Variants in PATJ observed in about 807,000 individuals in gnomAD.
The protein encoded by PATJ is PATJ crumbs cell polarity complex component, also known as inaD-like protein.
In PATJ, 190 loss-of-function variants were observed where a neutral mutation model predicts 224.9. The observed-to-expected ratio is 0.84, with a 90% confidence interval of 0.75 to 0.95. PATJ has a LOEUF of 0.95. Among genes scored for constraint, PATJ ranks in the 40% least tolerant of loss-of-function variants. The pLI, the probability that PATJ is intolerant of heterozygous loss-of-function variation, is 0.00. For missense variants in PATJ, 2,121 were observed against 2,270.3 expected (o/e 0.93, Z 1.34); for synonymous variants, 769 against 820.3 (o/e 0.94, Z 1.07).
intron 18 of PATJ, among the ~76,000 whole-genome samples, chr1:61,858,012 T>C (rs1029981088): frequency 6.6e-6 from 1 of 152,202 alleles, no homozygotes; most frequent in African/African-American, 2.4e-5. Flanking sequence ...TAAATATAGA[T>C]AGATGTGTTC....
chr1:62,025,476 G>T (rs995052814), intron 29 of PATJ, among the ~76,000 whole-genome samples: 1 of 152,190 alleles, frequency 6.6e-6, no homozygotes, highest in African/African-American at 2.4e-5. Context: ...TTGCCAGCCA[G>T]GAATAAGAGG....
rs911112847 is a variant in PATJ, at chr1:62,097,319, A to G, written c.4378-11118A>G. Among the ~76,000 whole-genome samples, 4 of 152,208 alleles carry G rather than the reference A, an allele frequency of 2.6e-5. 1 individual carries two copies. Among genetic ancestry groups the G allele is most frequent in the African/African-American group, 9.6e-5 (4 of 41,452 alleles). ...TATGTGCTGTCTCAAATTTTAAAAA[A>G]AGGAAAAAAAAAAGACTATAAATTT... is the stretch of plus-strand genomic sequence containing the variant. On this transcript the variant is annotated intron_variant, in intron 33 of 43. Transcript: ENST00000642238.
Position 61,765,911 on chromosome 1 carries a change from T to G in PATJ, c.190-368T>G, listed in dbSNP as rs180971112. Among the ~76,000 whole-genome samples the G allele has an allele frequency of 8.4e-4, 128 of 152,288 alleles. 1 individual carries two copies. The highest frequency in any genetic ancestry group is 2.6e-4 in the Non-Finnish European group (18 of 68,032). ...ATCATTATATACTACCTGTGGATCT[T>G]TTGTTGCTCCCCACGTGGAATTGTA... On this transcript the variant is annotated intron_variant, in intron 3 of 43. Transcript: ENST00000642238.
intron 28 of PATJ, among the ~76,000 whole-genome samples, chr1:62,012,554 A>G (rs966084370): frequency 1.1e-4 from 17 of 152,218 alleles, no homozygotes; most frequent in African/African-American, 2.4e-4. Flanking sequence ...CAGCTTCTCA[A>G]TAATACAATA....
At chr1:62,030,530 G>A (rs1649032192) in intron 29 of PATJ, among the ~76,000 whole-genome samples, 1 of 151,372 alleles carries the variant, frequency 6.6e-6, no homozygotes, top group African/African-American at 2.4e-5. Flanking sequence ...TTTTAATTGG[G>A]GTATAATTTA....
intron 5 of PATJ, among the ~76,000 whole-genome samples, chr1:61,769,866 A>G (rs1479669191): frequency 2.0e-5 from 3 of 152,148 alleles, no homozygotes; most frequent in African/African-American, 7.2e-5. Flanking sequence ...TTATAACAAC[A>G]TTTTGGTGGT....
At chr1:61,949,080 C>A (rs2498958) in intron 27 of PATJ, among the ~76,000 whole-genome samples, 20 of 127,716 alleles carry the variant, frequency 1.6e-4, no homozygotes, top group African/African-American at 5.2e-4. Context: ...CGGCGGGGAG[C>A]GGGGAGGGAT....
intron 33 of PATJ, among the ~76,000 whole-genome samples, chr1:62,093,044 A>C (rs1187163678): frequency 6.6e-6 from 1 of 152,140 alleles, no homozygotes; most frequent in Non-Finnish European, 1.5e-5. Flanking sequence ...TGCCCAGCCG[A>C]GAGTTAGAAT....
intron 25 of PATJ, among the ~76,000 whole-genome samples, chr1:61,910,169 A>G (rs1042632529): frequency 2.0e-5 from 3 of 152,242 alleles, no homozygotes; most frequent in African/African-American, 7.2e-5. Context: ...CTTCCAAATC[A>G]ATAATTTTGA....
At chr1:61,952,397 A>C (rs749904909) in intron 27 of PATJ, 2 of 717,256 alleles carry the variant, frequency 2.8e-6, no homozygotes, top group Non-Finnish European at 5.2e-6. Context: ...ACAATGGTCC[A>C]AGGGGGTTTC....
intron 29 of PATJ, among the ~76,000 whole-genome samples, chr1:62,021,016 A>G (rs1269102720): frequency 6.6e-6 from 1 of 151,664 alleles, no homozygotes; most frequent in African/African-American, 2.4e-5. Context: ...TTTAGTAGAG[A>G]CAGGGTTTCA....
intron 41 of PATJ, among the ~76,000 whole-genome samples, chr1:62,137,692 TG>T: frequency 2.5e-5 from 1 of 40,022 alleles, no homozygotes; most frequent in East Asian, 8.4e-4. Flanking sequence ...TAGCAGTTTG[TG>T]GGGGGAACAC....
intron 43 of PATJ, among the ~76,000 whole-genome samples, chr1:62,158,806 G>A (rs1037465719): frequency 3.4e-5 from 5 of 148,086 alleles, no homozygotes; most frequent in Admixed American, 6.8e-5. Context: ...AAAATTAGCC[G>A]GGCCTGGTGG....
chr1:61,927,720 G>C lies in PATJ; in HGVS notation c.3571-10G>C, dbSNP rs1347699680. ...GCATTTAACCCTTCTCTCAAATTTTGCATCTTCAGAGGCAAGGAACTGCTC... is the reference window on the plus strand; with the variant it reads ...GCATTTAACCCTTCTCTCAAATTTTCCATCTTCAGAGGCAAGGAACTGCTC... On this transcript the variant is annotated splice_polypyrimidine_tract_variant and intron_variant, in intron 26 of 43. Transcript: ENST00000642238. 1.9e-6 allele frequency: 3 copies of C among 1,578,686 alleles called. No individual in the cohort carries two copies. Among genetic ancestry groups the C allele is most frequent in the Non-Finnish European group, 2.6e-6 (3 of 1,152,096 alleles).
rs544170676 is a variant in PATJ, at chr1:61,872,300, T to G, written c.2836-2943T>G. On this transcript the variant is annotated intron_variant, in intron 20 of 43. Transcript: ENST00000642238. ...GAGTTGAATTCTATGTTCCTTAGGC[T>G]CCATTAGTTATCTGATATAGTTACA... Among the ~76,000 whole-genome samples the G allele has an allele frequency of 2.6e-5, 4 of 152,268 alleles. No individual in the cohort carries two copies. In the East Asian group the frequency reaches 7.7e-4, roughly 29 times the overall value.
At chr1:61,822,429 G>GAAAAAAAAA (rs11427840) in intron 14 of PATJ, among the ~76,000 whole-genome samples, 1 of 116,638 alleles carries the variant, frequency 8.6e-6, no homozygotes, top group Non-Finnish European at 1.7e-5. Flanking sequence ...GACTGTGTCA[G>GAAAAAAAAA]AAAAAAAAAA....
chr1:62,075,917 CAA>C (rs796303716), intron 31 of PATJ, among the ~76,000 whole-genome samples: 24 of 79,812 alleles, frequency 3.0e-4, no homozygotes, highest in Admixed American at 2.9e-4. Context: ...GACTCCGTCT[CAA>C]AAAAAAAAAA....
At chr1:62,089,352 A>G (rs988246746) in intron 33 of PATJ, among the ~76,000 whole-genome samples, 1 of 151,418 alleles carries the variant, frequency 6.6e-6, no homozygotes, top group East Asian at 2.0e-4. Flanking sequence ...TTTGCTAAAT[A>G]CTGTACTCTC....
chr1:61,788,119 C>T lies in PATJ; in HGVS notation c.1068+147C>T, dbSNP rs145669530. On this transcript the variant is annotated intron_variant, in intron 8 of 43. Coordinates refer to ENST00000642238, the MANE Select transcript of PATJ (RefSeq NM_001350145.3). ...AGGAAAAAAAAAACTTATTGGGAGACATTAGACATGTTGGTTTTCTGTTTC... is the reference window on the plus strand; with the variant it reads ...AGGAAAAAAAAAACTTATTGGGAGATATTAGACATGTTGGTTTTCTGTTTC... 1.2e-3 allele frequency: 751 copies of T among 611,606 alleles called. 4 individuals are homozygous for T. In the African/African-American group the frequency reaches 0.012, roughly 10 times the overall value. The allele number at this position is 611,606 out of a possible 1,614,324, so 37.9% of individuals were successfully genotyped here.
Sources: gnomAD v4.1 joint callset for allele counts (sites outside exome capture counted in the v4.1 genomes callset) on GRCh38, gnomAD v4.1.1 for gene constraint, MANE v1.5 for transcripts, NCBI Gene and HGNC (gene_info 2026-07-23, HGNC 2026-07-21) for gene names.